Variants in CHN1 observed in about 807,000 individuals in gnomAD.
CHN1 encodes the protein chimerin 1.
Under a neutral mutation model 59.5 loss-of-function variants are expected in CHN1, and 37 were observed. That is an observed-to-expected ratio of 0.62 (90% CI 0.48 to 0.82). CHN1 has a LOEUF of 0.82. Among genes scored for constraint, CHN1 ranks in the 40% least tolerant of loss-of-function variants. CHN1 has a pLI of 0.00. For missense variants in CHN1, 469 were observed against 571.0 expected (o/e 0.82, Z 1.82); for synonymous variants, 206 against 200.4 (o/e 1.03, Z -0.24).
At chr2:174,951,765 ATTCT>A (rs1437907937) in intron 2 of CHN1, among the ~76,000 whole-genome samples, 14 of 152,298 alleles carry the variant, frequency 9.2e-5, no homozygotes, top group African/African-American at 3.4e-4. Flanking sequence ...CTTTTCACTT[ATTCT>A]TTCTATCAAC....
intron 2 of CHN1, among the ~76,000 whole-genome samples, chr2:174,948,326 T>G (rs558506873): frequency 7.0e-4 from 107 of 152,206 alleles, no homozygotes; most frequent in Non-Finnish European, 1.0e-3. Context: ...TTTGAGCTAC[T>G]CTCTACAGAC....
At chr2:174,869,656 A>C (rs990214813) in intron 6 of CHN1, among the ~76,000 whole-genome samples, 8 of 152,198 alleles carry the variant, frequency 5.3e-5, no homozygotes, top group African/African-American at 1.7e-4. Context: ...CTGTATGTAA[A>C]TTATACCTTA....
At chr2:174,939,193 T>C (rs1052506556) in intron 3 of CHN1, among the ~76,000 whole-genome samples, 2 of 152,176 alleles carry the variant, frequency 1.3e-5, no homozygotes, top group African/African-American at 4.8e-5. Flanking sequence ...CATCTATTCA[T>C]CCAGTATATT....
In CHN1 at chr2:174,839,604, A is replaced by ATT. The variant is rs34568874; in HGVS notation, c.627+7274_627+7275dup. ...ACAATACTGTGTTGTGCACTTAAAG[A>ATT]TTTTTTTTTTTTTTTTTGACATAGG... On this transcript the variant is annotated intron_variant, in intron 7 of 12. Transcript: ENST00000409900. Among the ~76,000 whole-genome samples, 248 of 142,482 alleles carry ATT rather than the reference A, an allele frequency of 1.7e-3. 1 individual carries two copies. The highest frequency in any genetic ancestry group is 6.0e-3 in the African/African-American group (232 of 38,722). The allele number at this position is 142,482 out of a possible 152,430, so 93.5% of individuals were successfully genotyped here.
In CHN1 at chr2:174,907,613, G is replaced by GT. The variant is rs563081352; in HGVS notation, c.260+7444dup. On this transcript the variant is annotated intron_variant, in intron 5 of 12. Coordinates refer to ENST00000409900, the MANE Select transcript of CHN1 (RefSeq NM_001822.7). Reference sequence around the variant, plus strand: ...TCTCAAAATAAAAATAGCTCTTTTGGTTTTTTTTTTTTTTTTCTGTTTGTA... The same window carrying GT: ...TCTCAAAATAAAAATAGCTCTTTTGGTTTTTTTTTTTTTTTTTCTGTTTGTA... Among the ~76,000 whole-genome samples, 1,275 of 130,238 alleles carry GT rather than the reference G, an allele frequency of 9.8e-3. 8 individuals are homozygous for GT. The highest frequency in any genetic ancestry group is 0.017 in the East Asian group (77 of 4,484). 85.4% of individuals were successfully genotyped at this position (130,238 alleles called of 152,430 possible). A position where few individuals can be genotyped will look rare whatever the true frequency, so the allele number is the denominator to read the frequency against.
intron 7 of CHN1, among the ~76,000 whole-genome samples, chr2:174,844,353 G>A (rs1379984089): frequency 6.6e-6 from 1 of 152,148 alleles, no homozygotes; most frequent in Non-Finnish European, 1.5e-5. Flanking sequence ...CTCAGTGAGT[G>A]CTTTCACCAA....
At position 174,918,567 on chromosome 2, in the gene CHN1, T is replaced by A. The variant is rs1688916272; in HGVS notation, c.115-2A>T. The A allele has an allele frequency of 2.5e-6, 4 of 1,590,420 alleles. No individual in the cohort carries two copies. The highest frequency in any genetic ancestry group is 1.3e-5 in the African/African-American group (1 of 74,400). ...ATAATACTTTGGTCTGTTTTCCACC[T>A]ATTGGGAAAGCAAAAAAACAGGCAT... On this transcript the variant is annotated splice_acceptor_variant, in intron 3 of 12. Transcript: ENST00000409900. LOFTEE classifies it high-confidence loss of function.
At chr2:174,894,796 GGT>G (rs1688160584) in intron 5 of CHN1, among the ~76,000 whole-genome samples, 2 of 151,940 alleles carry the variant, frequency 1.3e-5, no homozygotes, top group South Asian at 4.2e-4. Context: ...CGTTTTCTGT[GGT>G]TTCAGTTACC....
intron 1 of CHN1, among the ~76,000 whole-genome samples, chr2:174,977,331 T>C (rs1253923851): frequency 6.6e-6 from 1 of 152,206 alleles, no homozygotes; most frequent in Non-Finnish European, 1.5e-5. Flanking sequence ...ACCATTATCA[T>C]TAGAGTCCAG....
Position 174,942,971 on chromosome 2 carries a change from A to G in CHN1, c.114+1917T>C, listed in dbSNP as rs374166927. Among the ~76,000 whole-genome samples the G allele has an allele frequency of 3.9e-5, 6 of 152,144 alleles. No homozygotes were observed. In the South Asian group the frequency reaches 6.2e-4, roughly 16 times the overall value. On this transcript the variant is annotated intron_variant, in intron 3 of 12. Coordinates refer to ENST00000409900, the MANE Select transcript of CHN1 (RefSeq NM_001822.7). ...GAGGCAGAGGTAGGAGTATCACTTGAGCTCAGGAGGTTGAGGCTGCAGTGA... is the reference window on the plus strand; with the variant it reads ...GAGGCAGAGGTAGGAGTATCACTTGGGCTCAGGAGGTTGAGGCTGCAGTGA...
intron 5 of CHN1, among the ~76,000 whole-genome samples, chr2:174,880,466 A>G (rs1179674013): frequency 1.3e-5 from 2 of 152,222 alleles, no homozygotes; most frequent in African/African-American, 4.8e-5. Context: ...TGGGATTAGA[A>G]GAAGAGAAAG....
intron 1 of CHN1, among the ~76,000 whole-genome samples, chr2:174,988,130 G>A (rs1039555918): frequency 2.0e-5 from 3 of 152,022 alleles, no homozygotes; most frequent in Admixed American, 6.6e-5. Context: ...GAGCCAAGGC[G>A]GGCGGATCAC....
At chr2:174,873,686 T>A (rs1469383893) in intron 6 of CHN1, among the ~76,000 whole-genome samples, 1 of 152,204 alleles carries the variant, frequency 6.6e-6, no homozygotes, top group East Asian at 1.9e-4. Flanking sequence ...AGGACCCAAT[T>A]ACATTTCAAC....
rs73973637 is a variant in CHN1, at chr2:174,836,404, C to A, written c.627+10476G>T. 2.4e-3 allele frequency among the ~76,000 whole-genome samples: 359 copies of A among 152,256 alleles called. 4 individuals are homozygous for A. The highest frequency in any genetic ancestry group is 8.1e-3 in the African/African-American group (338 of 41,532). On this transcript the variant is annotated intron_variant, in intron 7 of 12. Coordinates refer to ENST00000409900, the MANE Select transcript of CHN1 (RefSeq NM_001822.7). ...GGTTCTACTGATTCGTTCATGTGAA[C>A]GCCAACCAGTGACTTTAATAGGCTT...
intron 5 of CHN1, among the ~76,000 whole-genome samples, chr2:174,881,122 T>G (rs888456584): frequency 6.6e-6 from 1 of 152,002 alleles, no homozygotes; most frequent in Admixed American, 6.5e-5. Context: ...TGCTCTTATG[T>G]AGAAAGATTC....
Position 174,885,025 on chromosome 2 carries a change from T to C in CHN1, c.261-6897A>G, listed in dbSNP as rs35826303. Among the ~76,000 whole-genome samples, 223 of 151,834 alleles carry C rather than the reference T, an allele frequency of 1.5e-3. 3 individuals are homozygous for C. Among genetic ancestry groups the C allele is most frequent in the Admixed American group, 3.7e-3 (56 of 15,232 alleles). On this transcript the variant is annotated intron_variant, in intron 5 of 12. Transcript: ENST00000409900. ...GAAATTAGCCGGGCGCGGTGGCTCATGCCTGTAATCCCAGCACTTTGGGAG... is the reference window on the plus strand; with the variant it reads ...GAAATTAGCCGGGCGCGGTGGCTCACGCCTGTAATCCCAGCACTTTGGGAG...
rs574926915 is a variant in CHN1 at position 174,846,845 on chromosome 2, G to A, written c.627+35C>T. The A allele has an allele frequency of 3.4e-6, 5 of 1,483,148 alleles. No individual in the cohort carries two copies. The South Asian group carries it at 5.1e-5, about 15-fold the overall frequency. The allele number at this position is 1,483,148 out of a possible 1,614,324, so 91.9% of individuals were successfully genotyped here. A position where few individuals can be genotyped will look rare whatever the true frequency, so the allele number is the denominator to read the frequency against. On this transcript the variant is annotated intron_variant, in intron 7 of 12. Transcript: ENST00000409900. ...TAATATTATATATTTCAAGTAATAT[G>A]CATTTCTTAAAAGACTAAAAGCAAA...
intron 8 of CHN1, among the ~76,000 whole-genome samples, chr2:174,819,920 T>G (rs1343123858): frequency 6.7e-6 from 1 of 149,084 alleles, no homozygotes; most frequent in Admixed American, 6.8e-5. Flanking sequence ...CAGTGTTTGG[T>G]TTTTTGTCCT....
intron 8 of CHN1, among the ~76,000 whole-genome samples, chr2:174,822,609 CAT>C (rs1685536256): frequency 6.6e-6 from 1 of 152,204 alleles, no homozygotes; most frequent in South Asian, 2.1e-4. Context: ...AAGACTGTCT[CAT>C]AAAGGCAAAC....
Sources: gnomAD v4.1 joint callset for allele counts (sites outside exome capture counted in the v4.1 genomes callset) on GRCh38, gnomAD v4.1.1 for gene constraint, MANE v1.5 for transcripts, NCBI Gene and HGNC (gene_info 2026-07-23, HGNC 2026-07-21) for gene names.